Variants in TTC34 observed in about 807,000 individuals in gnomAD.
TTC34 encodes tetratricopeptide repeat domain 34.
A neutral mutation model predicts 40.7 loss-of-function variants in TTC34; 44 were observed. The observed-to-expected ratio is 1.08, with a 90% CI of 0.85 to 1.39. The LOEUF (loss-of-function observed/expected upper bound fraction) is 1.39. Among genes scored for constraint, TTC34 ranks in the 40% most tolerant of loss-of-function variants. The probability of loss-of-function intolerance (pLI) is 0.00; values close to 1 mark genes in which losing one functional copy is unlikely to be tolerated. For missense variants in TTC34, 884 were observed against 838.0 expected (o/e 1.05, Z -0.68); for synonymous variants, 422 against 398.6 (o/e 1.06, Z -0.70).
At chr1:2,660,716 G>T (rs1251658040) in intron 6 of TTC34, among the ~76,000 whole-genome samples, 1 of 102,654 alleles carries the variant, frequency 9.7e-6, no homozygotes, top group African/African-American at 3.9e-5. Flanking sequence ...CACACCCCCA[G>T]GTGAGCATCT....
exon 4 of TTC34, chr1:2,787,577 C>T (rs1398789990): frequency 1.2e-5 from 18 of 1,547,942 alleles, no homozygotes; most frequent in Admixed American, 2.0e-5. Flanking sequence ...GGGCCACCAG[C>T]AGGGCCTTGT....
chr1:2,688,103 T>A (rs1197146812), intron 6 of TTC34, among the ~76,000 whole-genome samples: 1 of 146,918 alleles, frequency 6.8e-6, no homozygotes, highest in African/African-American at 2.6e-5. Flanking sequence ...GGTGCGCACG[T>A]GACAGCCTGG....
chr1:2,688,488 C>A (rs1413632708), intron 6 of TTC34, among the ~76,000 whole-genome samples: 2 of 119,694 alleles, frequency 1.7e-5, no homozygotes, highest in South Asian at 5.0e-4. Context: ...CAGCACCCCA[C>A]ACCCACAGGT....
At position 2,694,770 on chromosome 1, in the gene TTC34, C is replaced by T. The variant is rs1251706362; in HGVS notation, c.2227-49207G>A. On this transcript the variant is annotated intron_variant, in intron 6 of 8. Coordinates refer to ENST00000401095, the Ensembl canonical transcript of TTC34. Reference sequence around the variant, plus strand: ...CCCAAACCCACAGGTGAGCATCCGACAGCCTGGAGCAGCACCCACACACCC... The same window carrying T: ...CCCAAACCCACAGGTGAGCATCCGATAGCCTGGAGCAGCACCCACACACCC... Among the ~76,000 whole-genome samples the T allele has an allele frequency of 2.4e-5, 2 of 83,064 alleles. 1 individual carries two copies. Among genetic ancestry groups the T allele is most frequent in the Non-Finnish European group, 5.9e-5 (2 of 33,980 alleles). 54.5% of individuals were successfully genotyped at this position (83,064 alleles called of 152,430 possible).
At chr1:2,749,409 G>T (rs1641244212) in intron 6 of TTC34, among the ~76,000 whole-genome samples, 2 of 143,996 alleles carry the variant, frequency 1.4e-5, no homozygotes, top group Non-Finnish European at 3.0e-5. Context: ...TGCACCCCCA[G>T]GTGCGCACGT....
intron 6 of TTC34, among the ~76,000 whole-genome samples, chr1:2,781,074 T>C (rs1643475464): frequency 6.6e-6 from 1 of 152,238 alleles, no homozygotes; most frequent in Non-Finnish European, 1.5e-5. Context: ...GGTCCCCTTA[T>C]ATGTGAATTT....
intron 6 of TTC34, among the ~76,000 whole-genome samples, chr1:2,752,734 C>A (rs1445894775): frequency 5.3e-5 from 6 of 112,338 alleles, no homozygotes; most frequent in African/African-American, 1.5e-4. Context: ...CACCCTGCAC[C>A]CCCAGGACAG....
intron 6 of TTC34, among the ~76,000 whole-genome samples, chr1:2,756,657 G>T (rs1641515898): frequency 2.0e-5 from 3 of 151,926 alleles, no homozygotes; most frequent in African/African-American, 4.8e-5. Context: ...GCCTGGAACA[G>T]CACCCACACC....
chr1:2,781,248 G>T (rs1365763275), intron 6 of TTC34, among the ~76,000 whole-genome samples: 1 of 152,184 alleles, frequency 6.6e-6, no homozygotes, highest in Non-Finnish European at 1.5e-5. Flanking sequence ...AGTATGTGGG[G>T]ATTTCAGTAT....
rs574365235 is a variant in TTC34 at position 2,695,269 on chromosome 1, C to A, written c.2227-49706G>T. On this transcript the variant is annotated intron_variant, in intron 6 of 8. Transcript: ENST00000401095. ...GCGCACCTGACAGCCTGCAACAGCACCCACACACCCAGGCGAGCATCTGAT... is the reference window on the plus strand; with the variant it reads ...GCGCACCTGACAGCCTGCAACAGCAACCACACACCCAGGCGAGCATCTGAT... 4.4e-4 allele frequency among the ~76,000 whole-genome samples: 49 copies of A among 111,408 alleles called. 1 individual carries two copies. The South Asian group carries it at 8.3e-3, about 19-fold the overall frequency. The allele number at this position is 111,408 out of a possible 152,430, so 73.1% of individuals were successfully genotyped here. A position where few individuals can be genotyped will look rare whatever the true frequency, so the allele number is the denominator to read the frequency against.
intron 6 of TTC34, among the ~76,000 whole-genome samples, chr1:2,697,740 CTGA>C (rs1640934581): frequency 7.3e-6 from 1 of 137,396 alleles, no homozygotes; most frequent in Non-Finnish European, 1.6e-5. Flanking sequence ...AGGTGAGCAT[CTGA>C]CAGCCTGGAA....
At position 2,787,814 on chromosome 1, in the gene TTC34, G is replaced by T. The variant is rs1201710736; in HGVS notation, c.1629-108C>A. The T allele has an allele frequency of 6.3e-6, 6 of 956,138 alleles. No homozygotes were observed. The East Asian group carries it at 8.2e-5, about 13-fold the overall frequency. The allele number at this position is 956,138 out of a possible 1,614,324, so 59.2% of individuals were successfully genotyped here. On this transcript the variant is annotated intron_variant, in intron 3 of 8. Coordinates refer to ENST00000401095, the Ensembl canonical transcript of TTC34. ...CGTCTCCATGTACCTGGCCTGGGCA[G>T]CTCCCTCCGGAGGGACCCTCACGCC...
In TTC34 at chr1:2,699,235, G is replaced by A. The variant is rs539698092; in HGVS notation, c.2227-53672C>T. On this transcript the variant is annotated intron_variant, in intron 6 of 8. Transcript: ENST00000401095. The stretch of plus-strand genomic sequence containing the variant: ...CCCCCAGGTGAGCATCTGACCGCCC[G>A]GAGCAGCACCCATACCCCAAGGCGA... 5.1e-3 allele frequency among the ~76,000 whole-genome samples: 550 copies of A among 107,360 alleles called. 2 individuals are homozygous for A. The highest frequency in any genetic ancestry group is 0.013 in the Middle Eastern group (2 of 158). 70.4% of individuals were successfully genotyped at this position (107,360 alleles called of 152,430 possible).
chr1:2,753,123 C>T (rs1431527673), intron 6 of TTC34, among the ~76,000 whole-genome samples: 88 of 107,918 alleles, frequency 8.2e-4, no homozygotes, highest in Admixed American at 2.8e-3. Flanking sequence ...CAGCCTGGAA[C>T]AGCACCAAAA....
intron 6 of TTC34, among the ~76,000 whole-genome samples, chr1:2,754,820 C>T (rs1641451028): frequency 2.0e-5 from 3 of 150,908 alleles, no homozygotes; most frequent in African/African-American, 7.3e-5. Flanking sequence ...AAACCACACC[C>T]CCAGGTGAGC....
At chr1:2,750,158 A>AGC (rs1641268019) in intron 6 of TTC34, among the ~76,000 whole-genome samples, 1 of 79,362 alleles carries the variant, frequency 1.3e-5, no homozygotes, top group Non-Finnish European at 2.6e-5. Flanking sequence ...GGAGCAGAAC[A>AGC]AACACCCCCA....
chr1:2,749,776 C>A lies in TTC34; in HGVS notation c.2226+33833G>T, dbSNP rs1169767347. On this transcript the variant is annotated intron_variant, in intron 6 of 8. Coordinates refer to ENST00000401095, the Ensembl canonical transcript of TTC34. ...AACAGCTCCCACACCCCCAGGCGAG[C>A]ATCTGACAGCATGTATCAGCACCCA... Among the ~76,000 whole-genome samples, 2 of 57,712 alleles carry A rather than the reference C, an allele frequency of 3.5e-5. 1 individual carries two copies. Among genetic ancestry groups the A allele is most frequent in the Admixed American group, 3.4e-4 (2 of 5,842 alleles). The allele number at this position is 57,712 out of a possible 152,430, so 37.9% of individuals were successfully genotyped here.
chr1:2,788,920 C>T (rs1643625851), intron 3 of TTC34, among the ~76,000 whole-genome samples: 1 of 152,244 alleles, frequency 6.6e-6, no homozygotes, highest in South Asian at 2.1e-4. Context: ...GGTGAAACCC[C>T]ATGCCACTAA....
intron 6 of TTC34, among the ~76,000 whole-genome samples, chr1:2,647,314 AT>A (rs1320090938): frequency 1.3e-5 from 2 of 152,000 alleles, no homozygotes; most frequent in South Asian, 4.1e-4. Context: ...TTCTTCATTT[AT>A]TTTTTTAATT....
Sources: gnomAD v4.1 joint callset for allele counts (sites outside exome capture counted in the v4.1 genomes callset) on GRCh38, gnomAD v4.1.1 for gene constraint, MANE v1.5 for transcripts, NCBI Gene and HGNC (gene_info 2026-07-23, HGNC 2026-07-21) for gene names.